Variants in DPP10 observed in about 807,000 individuals in gnomAD.
DPP10 encodes the protein dipeptidyl peptidase like 10, also known as inactive dipeptidyl peptidase 10.
DPP10 carries 33 observed loss-of-function variants against 120.9 expected under a neutral mutation model. The observed-to-expected ratio is 0.27, with a 90% confidence interval of 0.21 to 0.37. The LOEUF (loss-of-function observed/expected upper bound fraction) is 0.37. Ranked by LOEUF, DPP10 falls within the 10% of genes least tolerant of loss-of-function variation. The probability of loss-of-function intolerance (pLI) is 1.00; values close to 1 mark genes in which losing one functional copy is unlikely to be tolerated. For synonymous variants in DPP10, 337 were observed against 326.1 expected, an observed-to-expected ratio of 1.03 and a Z score of -0.36; for missense variants, 816 against 942.8, an observed-to-expected ratio of 0.87 and a Z score of 1.76.
At chr2:115,499,005 C>G (rs1575025752) in intron 3 of DPP10, among the ~76,000 whole-genome samples, 1 of 151,984 alleles carries the variant, frequency 6.6e-6, no homozygotes, top group East Asian at 1.9e-4. Flanking sequence ...ATTCACAACC[C>G]AGAAGAGAAT....
At chr2:114,893,774 A>G (rs1215132472) in intron 1 of DPP10, among the ~76,000 whole-genome samples, 1 of 152,226 alleles carries the variant, frequency 6.6e-6, no homozygotes, top group Non-Finnish European at 1.5e-5. Context: ...CATGATGCAC[A>G]TATTATCATA....
chr2:115,106,795 G>T (rs933384049), intron 1 of DPP10, among the ~76,000 whole-genome samples: 37 of 152,202 alleles, frequency 2.4e-4, no homozygotes, highest in Admixed American at 3.9e-4. Context: ...CTTAAACCGG[G>T]CCGGGCGCGG....
At chr2:115,530,659 G>A (rs961132398) in intron 5 of DPP10, among the ~76,000 whole-genome samples, 2 of 149,036 alleles carry the variant, frequency 1.3e-5, no homozygotes, top group East Asian at 3.9e-4. Flanking sequence ...CAGCCTGAGT[G>A]ACAGGGCAAG....
intron 1 of DPP10, among the ~76,000 whole-genome samples, chr2:115,012,159 A>G (rs1010552093): frequency 1.3e-5 from 2 of 152,120 alleles, no homozygotes; most frequent in Non-Finnish European, 2.9e-5. Context: ...GACTGAATTC[A>G]GATATGCCTA....
At chr2:115,084,101 C>G (rs1391964936) in intron 1 of DPP10, among the ~76,000 whole-genome samples, 1 of 152,072 alleles carries the variant, frequency 6.6e-6, no homozygotes, top group African/African-American at 2.4e-5. Context: ...GAATACGAAA[C>G]CTATATGAAT....
intron 1 of DPP10, among the ~76,000 whole-genome samples, chr2:114,747,290 A>T (rs932029978): frequency 1.2e-4 from 18 of 152,162 alleles, no homozygotes; most frequent in African/African-American, 4.3e-4. Flanking sequence ...TAAAAATGGG[A>T]CTTTGGTCTG....
chr2:115,578,135 C>T (rs1284753307), intron 5 of DPP10, among the ~76,000 whole-genome samples: 1 of 152,212 alleles, frequency 6.6e-6, no homozygotes, highest in African/African-American at 2.4e-5. Context: ...CCTTGCTCCA[C>T]TGTCTCTCCT....
At chr2:115,489,879 A>G (rs1372413453) in intron 3 of DPP10, among the ~76,000 whole-genome samples, 1 of 152,108 alleles carries the variant, frequency 6.6e-6, no homozygotes, top group Non-Finnish European at 1.5e-5. Context: ...ATGTCTGAAA[A>G]GAGACATTTA....
intron 1 of DPP10, among the ~76,000 whole-genome samples, chr2:114,873,982 G>A (rs1257867089): frequency 2.0e-5 from 3 of 152,178 alleles, no homozygotes; most frequent in African/African-American, 7.2e-5. Flanking sequence ...CGCTTCAGTG[G>A]AGAATGACCA....
intron 1 of DPP10, among the ~76,000 whole-genome samples, chr2:114,971,168 T>C (rs905420180): frequency 1.3e-5 from 2 of 152,208 alleles, no homozygotes; most frequent in African/African-American, 4.8e-5. Flanking sequence ...AGGGCGGTCT[T>C]GCAAAATTGA....
Position 114,825,531 on chromosome 2 carries a change from A to T in DPP10, c.60+382693A>T, listed in dbSNP as rs534250487. On this transcript the variant is annotated intron_variant, in intron 1 of 25. Coordinates refer to ENST00000410059, the MANE Select transcript of DPP10 (RefSeq NM_020868.6). ...TATAGAATATTTTCTAAACATAAAG[A>T]AGCTATCTCTCTTGCTTCTCTCCCG... is the stretch of plus-strand genomic sequence containing the variant. Among the ~76,000 whole-genome samples, 17 of 152,304 alleles carry T rather than the reference A, an allele frequency of 1.1e-4. No homozygotes were observed. The South Asian group carries it at 3.5e-3, about 32-fold the overall frequency.
intron 1 of DPP10, among the ~76,000 whole-genome samples, chr2:114,806,477 A>G (rs1684724911): frequency 2.0e-5 from 3 of 152,218 alleles, no homozygotes; most frequent in Non-Finnish European, 4.4e-5. Flanking sequence ...AAATTGAACT[A>G]TACCTCAGAA....
chr2:115,000,140 T>C (rs187596096), intron 1 of DPP10, among the ~76,000 whole-genome samples: 189 of 152,228 alleles, frequency 1.2e-3, no homozygotes, highest in African/African-American at 4.4e-3. Context: ...GGGTTTTTTT[T>C]CTCCATCTTT....
chr2:115,313,640 G>C (rs555872908), intron 2 of DPP10, among the ~76,000 whole-genome samples: 1 of 152,160 alleles, frequency 6.6e-6, no homozygotes, highest in Non-Finnish European at 1.5e-5. Context: ...TATAACCAGA[G>C]AAACACATGT....
chr2:114,447,994 T>C (rs1444243226), intron 1 of DPP10, among the ~76,000 whole-genome samples: 1 of 152,188 alleles, frequency 6.6e-6, no homozygotes, highest in Non-Finnish European at 1.5e-5. Flanking sequence ...AATGACAAAT[T>C]TATCACCACT....
At chr2:114,822,156 C>T (rs2106360733) in intron 1 of DPP10, among the ~76,000 whole-genome samples, 1 of 152,336 alleles carries the variant, frequency 6.6e-6, no homozygotes. Flanking sequence ...GACTTTGCCC[C>T]TGAACATCCA....
In DPP10 at chr2:115,272,526, A is replaced by G. The variant is rs79485978; in HGVS notation, c.61-36713A>G. Among the ~76,000 whole-genome samples the G allele has an allele frequency of 1.8e-3, 268 of 152,354 alleles. 9 individuals carry two copies. In the East Asian group the frequency reaches 0.047, roughly 27 times the overall value. ...AATCAAGATTACTTGTTAATTTTCA[A>G]TTTTGGGGTGAAAAACCTTATTAAA... On this transcript the variant is annotated intron_variant, in intron 1 of 25. Coordinates refer to ENST00000410059, the MANE Select transcript of DPP10 (RefSeq NM_020868.6).
At chr2:114,869,270 A>T (rs1275483304) in intron 1 of DPP10, among the ~76,000 whole-genome samples, 1 of 152,148 alleles carries the variant, frequency 6.6e-6, no homozygotes, top group Non-Finnish European at 1.5e-5. Flanking sequence ...CATATACGAT[A>T]CTTAATTGTG....
chr2:115,182,562 G>A (rs2054149838), intron 1 of DPP10, among the ~76,000 whole-genome samples: 1 of 152,162 alleles, frequency 6.6e-6, no homozygotes, highest in Admixed American at 6.5e-5. Context: ...CATTAACAGT[G>A]CATGAAAGTA....
Sources: gnomAD v4.1 joint callset for allele counts (sites outside exome capture counted in the v4.1 genomes callset) on GRCh38, gnomAD v4.1.1 for gene constraint, MANE v1.5 for transcripts, NCBI Gene and HGNC (gene_info 2026-07-23, HGNC 2026-07-21) for gene names.